Variants in DOP1A observed in about 807,000 individuals in gnomAD.
DOP1A encodes DOP1 leucine zipper like protein A, also known as protein DOP1A.
DOP1A carries 90 observed loss-of-function variants against 267.6 expected under a neutral mutation model. That is an observed-to-expected ratio of 0.34 (90% confidence interval 0.28 to 0.40). DOP1A has a LOEUF of 0.40. Ranked by LOEUF, DOP1A falls within the 10% of genes least tolerant of loss-of-function variation. DOP1A has a pLI of 1.00. For missense variants in DOP1A, 2,437 were observed against 2,900.4 expected, an observed-to-expected ratio of 0.84 and a Z score of 3.67; for synonymous variants, 932 against 999.1, an observed-to-expected ratio of 0.93 and a Z score of 1.27.
intron 1 of DOP1A, among the ~76,000 whole-genome samples, chr6:83,081,920 T>G (rs1001359780): frequency 6.6e-6 from 1 of 152,098 alleles, no homozygotes; most frequent in Non-Finnish European, 1.5e-5. Flanking sequence ...AACAGGTATA[T>G]GAAAAAAGGC....
chr6:83,096,887 C>A, intron 2 of DOP1A, 38 bp from the exon 3 acceptor site: 2 of 1,472,336 alleles, frequency 1.4e-6, no homozygotes, highest in Admixed American at 2.1e-5. Flanking sequence ...CGTTTTAATA[C>A]TTTGTAACCT....
intron 12 of DOP1A, 59 bp from the exon 13 acceptor site, chr6:83,124,646 G>T: frequency 8.2e-7 from 1 of 1,215,502 alleles, no homozygotes; most frequent in Non-Finnish European, 1.2e-6. Context: ...TGATGATGCT[G>T]TCACAGGTAT....
intron 30 of DOP1A, 67 bp downstream of exon 30, chr6:83,152,434 AT>A: frequency 1.5e-6 from 1 of 659,064 alleles, no homozygotes; most frequent in Non-Finnish European, 2.4e-6. Context: ...TTAGCAAGTA[AT>A]TTTTATAGAG....
At position 83,073,043 on chromosome 6, in the gene DOP1A, T is replaced by C. The variant is rs563758987; in HGVS notation, c.-147+5264T>C. The C allele has an allele frequency of 5.3e-4, 167 of 312,206 alleles. 4 individuals are homozygous for C. The highest frequency in any genetic ancestry group is 4.4e-3 in the South Asian group (164 of 37,486). The allele number at this position is 312,206 out of a possible 1,614,324, so 19.3% of individuals were successfully genotyped here. A position where few individuals can be genotyped will look rare whatever the true frequency, so the allele number is the denominator to read the frequency against. ...ATAAGTGTTTGAATGACTTCCATATTATATACAGCATTACCACCAAGTAGC... is the reference window on the plus strand; with the variant it reads ...ATAAGTGTTTGAATGACTTCCATATCATATACAGCATTACCACCAAGTAGC... On this transcript the variant is annotated intron_variant, in intron 1 of 38. Transcript: ENST00000349129.
chr6:83,146,109 T>C (rs530259407), intron 25 of DOP1A, among the ~76,000 whole-genome samples: 2 of 152,380 alleles, frequency 1.3e-5, no homozygotes, highest in East Asian at 3.9e-4. Context: ...CTTGACCATG[T>C]ATAATACTGT....
chr6:83,079,789 G>A (rs184189322), intron 1 of DOP1A, among the ~76,000 whole-genome samples: 11 of 152,186 alleles, frequency 7.2e-5, no homozygotes, highest in South Asian at 2.1e-4. Flanking sequence ...AATGAAGAAT[G>A]ATAGCTACAA....
chr6:83,145,965 A>C lies in DOP1A; in HGVS notation c.5676+307A>C, dbSNP rs1345613483. Among the ~76,000 whole-genome samples the C allele has an allele frequency of 2.0e-5, 3 of 152,212 alleles. No homozygotes were observed. The East Asian group carries it at 5.8e-4, about 29-fold the overall frequency. On this transcript the variant is annotated intron_variant, in intron 25 of 38. Transcript: ENST00000349129. ...TCTGGTCATTTAAAGAACATAAGCC[A>C]GAGCTCAAGATTTGCTTCTCTCAGT...
downstream of DOP1A, chr6:83,169,743 A>G (rs1284164062): frequency 2.2e-6 from 1 of 458,316 alleles, no homozygotes; most frequent in South Asian, 1.5e-5. Flanking sequence ...CTGATTCCCT[A>G]TTCAGCGCAC....
intron 1 of DOP1A, among the ~76,000 whole-genome samples, chr6:83,076,482 G>A (rs1408224475): frequency 3.3e-5 from 5 of 151,992 alleles, no homozygotes; most frequent in African/African-American, 7.3e-5. Flanking sequence ...CTGCACTCCC[G>A]CCTGGAGGCA....
At chr6:83,089,282 A>G (rs1769892876) in intron 1 of DOP1A, among the ~76,000 whole-genome samples, 1 of 152,242 alleles carries the variant, frequency 6.6e-6, no homozygotes, top group African/African-American at 2.4e-5. Flanking sequence ...AGATGGTATG[A>G]TACAATATTT....
chr6:83,136,776 T>C (rs1334236802), intron 20 of DOP1A, among the ~76,000 whole-genome samples: 4 of 152,140 alleles, frequency 2.6e-5, no homozygotes, highest in Non-Finnish European at 5.9e-5. Flanking sequence ...CCCTCTGAGA[T>C]CAGTGCCAGA....
intron 33 of DOP1A, among the ~76,000 whole-genome samples, chr6:83,155,745 C>T (rs1782656997): frequency 6.6e-6 from 1 of 152,190 alleles, no homozygotes; most frequent in Non-Finnish European, 1.5e-5. Flanking sequence ...TTTTCCTCTC[C>T]ATCACAATTC....
At chr6:83,118,516 T>C (rs922848780) in intron 7 of DOP1A, among the ~76,000 whole-genome samples, 16 of 151,980 alleles carry the variant, frequency 1.1e-4, no homozygotes, top group Admixed American at 9.8e-4. Context: ...TTCTCAGGAG[T>C]TTATAGTCAG....
At chr6:83,081,474 A>C (rs75902212) in intron 1 of DOP1A, among the ~76,000 whole-genome samples, 2,937 of 152,244 alleles carry the variant, frequency 0.019, 106 homozygotes, top group African/African-American at 0.067. Flanking sequence ...TCTCTTCAGT[A>C]AATCGTGTTG....
chr6:83,166,641 A>G (rs1168058515), intron 38 of DOP1A: 1 of 1,093,716 alleles, frequency 9.1e-7, no homozygotes, highest in African/African-American at 1.6e-5. Flanking sequence ...TAAAACGGCA[A>G]ATTTCAACAA....
intron 7 of DOP1A, 149 bp downstream of exon 7, chr6:83,113,570 A>C: frequency 1.7e-6 from 1 of 586,836 alleles, no homozygotes; most frequent in Admixed American, 3.1e-5. Flanking sequence ...TAAGGAGTGG[A>C]ATTTGTTGTG....
intron 1 of DOP1A, among the ~76,000 whole-genome samples, chr6:83,075,890 G>C (rs1241915165): frequency 1.3e-5 from 2 of 152,124 alleles, no homozygotes; most frequent in African/African-American, 4.8e-5. Context: ...AAAGCTCCTA[G>C]AAGAAAACAT....
rs146428386 is a variant in DOP1A at position 83,147,442 on chromosome 6, A to C, written c.5732+151A>C. On this transcript the variant is annotated intron_variant, in intron 26 of 38. Coordinates refer to ENST00000349129, the MANE Select transcript of DOP1A (RefSeq NM_015018.4). ...AGACCTAAGGATATTGAAGATTCCT[A>C]GATAGTAAAACACTGAATTGTGATA... The C allele has an allele frequency of 1.4e-3, 567 of 395,598 alleles. 2 individuals carry two copies. Among genetic ancestry groups the C allele is most frequent in the Non-Finnish European group, 2.0e-3 (439 of 223,772 alleles). The allele number at this position is 395,598 out of a possible 1,614,324, so 24.5% of individuals were successfully genotyped here.
At chr6:83,098,081 C>A (rs916560647) in intron 3 of DOP1A, among the ~76,000 whole-genome samples, 1 of 151,510 alleles carries the variant, frequency 6.6e-6, no homozygotes, top group Non-Finnish European at 1.5e-5. Flanking sequence ...GATAGGATCT[C>A]GCTATGTTGA....
Sources: gnomAD v4.1 joint callset for allele counts (sites outside exome capture counted in the v4.1 genomes callset) on GRCh38, gnomAD v4.1.1 for gene constraint, MANE v1.5 for transcripts, NCBI Gene and HGNC (gene_info 2026-07-23, HGNC 2026-07-21) for gene names.